The following USP32 variants were observed in gnomAD, a reference collection of about 807,000 sequenced individuals.
USP32 encodes the protein ubiquitin carboxyl-terminal hydrolase 32.
Under a neutral mutation model 204.8 loss-of-function variants are expected in USP32, and 59 were observed. The ratio of observed to expected loss-of-function variants is 0.29; its 90% CI spans 0.23 to 0.36. USP32 has a LOEUF of 0.36. Ranked by LOEUF, USP32 falls within the 10% of genes least tolerant of loss-of-function variation. The probability of loss-of-function intolerance (pLI) is 1.00; values close to 1 mark genes in which losing one functional copy is unlikely to be tolerated. For synonymous variants in USP32, 517 were observed against 678.4 expected, an observed-to-expected ratio of 0.76 and a Z score of 3.70; for missense variants, 1,160 against 1,946.4, an observed-to-expected ratio of 0.60 and a Z score of 7.60.
At chr17:60,397,670 T>G (rs1273209270) in intron 1 of USP32, among the ~76,000 whole-genome samples, 2 of 152,146 alleles carry the variant, frequency 1.3e-5, no homozygotes, top group Non-Finnish European at 2.9e-5. Flanking sequence ...TACCTATTAG[T>G]ACAGTGCTTC....
At chr17:60,326,048 T>C (rs2145952593) in intron 2 of USP32, among the ~76,000 whole-genome samples, 1 of 151,562 alleles carries the variant, frequency 6.6e-6, no homozygotes, top group Non-Finnish European at 1.5e-5. Flanking sequence ...TACTAGAAAC[T>C]GGTTGCTTCT....
intron 26 of USP32, 77 bp downstream of exon 26, chr17:60,205,370 G>A (rs1201545784): frequency 3.3e-6 from 5 of 1,534,410 alleles, no homozygotes; most frequent in East Asian, 4.7e-5. Context: ...ATTCAATGAT[G>A]TTGCAAAGAC....
intron 1 of USP32, among the ~76,000 whole-genome samples, chr17:60,405,272 G>A (rs571000251): frequency 3.3e-5 from 5 of 152,152 alleles, no homozygotes; most frequent in East Asian, 1.9e-4. Flanking sequence ...GCTCAATCTC[G>A]GCTCACCACA....
At chr17:60,288,823 G>A in intron 4 of USP32, 141 bp from the exon 5 acceptor site, 2 of 662,916 alleles carry the variant, frequency 3.0e-6, no homozygotes, top group Non-Finnish European at 2.5e-6. Context: ...AACACTGCAG[G>A]GTGTATATAC....
chr17:60,228,836 G>GTTT (rs72054770), intron 12 of USP32, among the ~76,000 whole-genome samples: 1 of 141,610 alleles, frequency 7.1e-6, no homozygotes, highest in African/African-American at 2.6e-5. Context: ...TTTTGTTTTT[G>GTTT]TTTTTTTTTT....
rs147965557 is a variant in USP32 at position 60,403,081 on chromosome 17, G to A, written c.106+19165C>T. The stretch of plus-strand genomic sequence containing the variant: ...GGCTGGAGTGCAGTGTCACGATCTC[G>A]GCTCACTGCAACCTCCACCTCCCGG... On this transcript the variant is annotated intron_variant, in intron 1 of 3. Transcript: ENST00000588898. Among the ~76,000 whole-genome samples the A allele has an allele frequency of 5.6e-3, 855 of 151,908 alleles. 7 individuals are homozygous for A. The highest frequency in any genetic ancestry group is 0.018 in the South Asian group (84 of 4,788).
chr17:60,354,592 C>T (rs1477061393), intron 1 of USP32, among the ~76,000 whole-genome samples: 4 of 152,166 alleles, frequency 2.6e-5, no homozygotes, highest in Non-Finnish European at 5.9e-5. Flanking sequence ...TCAAAAGTCA[C>T]TTTGGTAGGG....
chr17:60,259,982 A>G (rs1338896732), intron 9 of USP32, among the ~76,000 whole-genome samples: 1 of 152,178 alleles, frequency 6.6e-6, no homozygotes, highest in Non-Finnish European at 1.5e-5. Context: ...TTTGTTCTAT[A>G]CCCTTTCACT....
chr17:60,403,020 G>GT (rs915794552), intron 1 of USP32, among the ~76,000 whole-genome samples: 92 of 148,726 alleles, frequency 6.2e-4, no homozygotes, highest in East Asian at 1.4e-3. Context: ...CCGTATCTCT[G>GT]TTTTTTTTTT....
At chr17:60,329,278 G>GC (rs1555615037) in intron 2 of USP32, among the ~76,000 whole-genome samples, 1 of 147,644 alleles carries the variant, frequency 6.8e-6, no homozygotes, top group Non-Finnish European at 1.5e-5. Context: ...GTGTGTGTGT[G>GC]TTTTTTTTTT....
intron 2 of USP32, among the ~76,000 whole-genome samples, chr17:60,310,152 T>C (rs183174510): frequency 6.6e-5 from 10 of 152,284 alleles, no homozygotes; most frequent in African/African-American, 1.7e-4. Flanking sequence ...TGTAAACTAG[T>C]ACAGCCATTG....
At chr17:60,295,239 C>T (rs868060064) in intron 3 of USP32, among the ~76,000 whole-genome samples, 2 of 134,518 alleles carry the variant, frequency 1.5e-5, no homozygotes, top group Non-Finnish European at 3.1e-5. Flanking sequence ...AGCAAAACTT[C>T]GAAAAAAAAA....
In USP32 at chr17:60,177,344, T is replaced by C. The variant is rs1281855785; in HGVS notation, c.*1911A>G. On this transcript the variant is annotated 3_prime_UTR_variant, in exon 34 of 34. Transcript: ENST00000300896. ...AGTTCATATTTCGGTACATCAACACTATTTTATTTACACTCTATTTATGTA... is the reference window on the plus strand; with the variant it reads ...AGTTCATATTTCGGTACATCAACACCATTTTATTTACACTCTATTTATGTA... Among the ~76,000 whole-genome samples the C allele has an allele frequency of 6.6e-6, 1 of 152,244 alleles. No individual in the cohort carries two copies. The highest frequency in any genetic ancestry group is 2.4e-5 in the African/African-American group (1 of 41,474).
chr17:60,365,736 A>C (rs192940895), intron 1 of USP32, among the ~76,000 whole-genome samples: 42 of 152,272 alleles, frequency 2.8e-4, no homozygotes, highest in Non-Finnish European at 5.0e-4. Flanking sequence ...ATGCATTAAG[A>C]TAAACCATTT....
intron 29 of USP32, among the ~76,000 whole-genome samples, chr17:60,187,266 T>C (rs2084274542): frequency 6.6e-6 from 1 of 152,228 alleles, no homozygotes; most frequent in Non-Finnish European, 1.5e-5. Flanking sequence ...CAATTAAGGT[T>C]CTAGCACTGC....
At chr17:60,256,333 T>G in intron 9 of USP32, among the ~76,000 whole-genome samples, 1 of 152,142 alleles carries the variant, frequency 6.6e-6, no homozygotes, top group Middle Eastern at 3.2e-3. Context: ...ATCACTAGAT[T>G]ATGACTAACA....
intron 1 of USP32, chr17:60,421,380 C>T: frequency 1.0e-6 from 1 of 985,512 alleles, no homozygotes; most frequent in Non-Finnish European, 1.2e-6. Context: ...TACTTGAAGC[C>T]GCTATGCCCC....
chr17:60,183,614 G>T (rs534115961), intron 30 of USP32, among the ~76,000 whole-genome samples, 161 bp from the exon 31 acceptor site: 10 of 152,264 alleles, frequency 6.6e-5, no homozygotes, highest in African/African-American at 2.2e-4. Flanking sequence ...GTTTCATAAA[G>T]GCCTCTACAT....
At chr17:60,195,618 A>G (rs1354849322) in intron 27 of USP32, among the ~76,000 whole-genome samples, 2 of 152,156 alleles carry the variant, frequency 1.3e-5, no homozygotes, top group Admixed American at 6.5e-5. Context: ...GATTACAGGC[A>G]TGAGCCACTG....
Sources: gnomAD v4.1 joint callset for allele counts (sites outside exome capture counted in the v4.1 genomes callset) on GRCh38, gnomAD v4.1.1 for gene constraint, MANE v1.5 for transcripts, NCBI Gene and HGNC (gene_info 2026-07-23, HGNC 2026-07-21) for gene names.